Variants in EPB41L5 observed in about 807,000 individuals in gnomAD.
The protein encoded by EPB41L5 is erythrocyte membrane protein band 4.1 like 5.
A neutral mutation model predicts 106.6 loss-of-function variants in EPB41L5; 55 were observed. The observed-to-expected ratio is 0.52, with a 90% CI of 0.42 to 0.65. The LOEUF is 0.65. Ranked by LOEUF, EPB41L5 falls within the 30% of genes least tolerant of loss-of-function variation. The pLI is 0.00. For synonymous variants in EPB41L5, 297 were observed against 306.7 expected (o/e 0.97, Z 0.33); for missense variants, 871 against 882.1 (o/e 0.99, Z 0.16).
chr2:120,046,162 G>C (rs1165454279), intron 3 of EPB41L5, among the ~76,000 whole-genome samples: 1 of 152,194 alleles, frequency 6.6e-6, no homozygotes, highest in Non-Finnish European at 1.5e-5. Flanking sequence ...AATCCTTTGA[G>C]TATATACCCA....
At chr2:120,130,345 G>A (rs902229552) in intron 17 of EPB41L5, among the ~76,000 whole-genome samples, 3 of 152,116 alleles carry the variant, frequency 2.0e-5, no homozygotes, top group South Asian at 2.1e-4. Flanking sequence ...ACATTTTTAT[G>A]TTAAGAGTTT....
At chr2:120,096,532 G>A (rs1401188007) in intron 14 of EPB41L5, among the ~76,000 whole-genome samples, 1 of 152,182 alleles carries the variant, frequency 6.6e-6, no homozygotes, top group African/African-American at 2.4e-5. Context: ...GCTCATGCCT[G>A]TAATCCTAAC....
At chr2:120,065,038 A>G (rs1681348803) in intron 3 of EPB41L5, among the ~76,000 whole-genome samples, 1 of 152,194 alleles carries the variant, frequency 6.6e-6, no homozygotes, top group Non-Finnish European at 1.5e-5. Context: ...AAACTATTAT[A>G]TATAAGTAGA....
intron 17 of EPB41L5, among the ~76,000 whole-genome samples, chr2:120,129,612 T>C (rs1685609537): frequency 6.6e-6 from 1 of 152,204 alleles, no homozygotes; most frequent in Non-Finnish European, 1.5e-5. Context: ...GTATCACTTA[T>C]TGAATACATA....
intron 11 of EPB41L5, among the ~76,000 whole-genome samples, chr2:120,089,302 A>G (rs926265961): frequency 6.6e-6 from 1 of 152,116 alleles, no homozygotes; most frequent in Non-Finnish European, 1.5e-5. Flanking sequence ...TGAATAAATA[A>G]TACCAACTAA....
At chr2:120,023,101 A>G (rs1678053789) in intron 2 of EPB41L5, among the ~76,000 whole-genome samples, 1 of 152,134 alleles carries the variant, frequency 6.6e-6, no homozygotes, top group Non-Finnish European at 1.5e-5. Context: ...AGATAGATAG[A>G]TTGCAAAAAC....
At chr2:120,127,587 T>C (rs566180758) in intron 16 of EPB41L5, 101 bp from the exon 17 acceptor site, 215 of 906,912 alleles carry the variant, frequency 2.4e-4, no homozygotes, top group Non-Finnish European at 3.4e-4. Context: ...GTTGCTTGAA[T>C]TCACAGATGT....
chr2:120,076,476 T>TG (rs2105327060), intron 7 of EPB41L5, among the ~76,000 whole-genome samples: 1 of 140,900 alleles, frequency 7.1e-6, no homozygotes, highest in East Asian at 2.0e-4. Context: ...TGTACTTTTT[T>TG]TTTTTTTTTT....
At chr2:120,062,411 A>C (rs984011328) in intron 3 of EPB41L5, among the ~76,000 whole-genome samples, 1 of 152,232 alleles carries the variant, frequency 6.6e-6, no homozygotes, top group Non-Finnish European at 1.5e-5. Flanking sequence ...ATGATTGTTT[A>C]TAATTTATGG....
intron 4 of EPB41L5, 94 bp from the exon 5 acceptor site, chr2:120,074,006 T>C (rs1682058326): frequency 2.2e-6 from 2 of 895,176 alleles, no homozygotes; most frequent in East Asian, 2.7e-5. Flanking sequence ...TCATCTTTTG[T>C]CTCACTTCAG....
intron 22 of EPB41L5, among the ~76,000 whole-genome samples, chr2:120,166,674 G>A (rs768848274): frequency 5.9e-5 from 9 of 152,240 alleles, no homozygotes; most frequent in Non-Finnish European, 1.2e-4. Flanking sequence ...TTGACCTCAT[G>A]ATCTGCCCAC....
At position 120,019,169 on chromosome 2, in the gene EPB41L5, G is replaced by A. The variant is rs375523508; in HGVS notation, c.85G>A (p.Ala29Thr). Reference protein sequence around the residue: ...EKERLREAQRAATHIPAAGDS... With the variant: ...EKERLREAQRTATHIPAAGDS... ...GGAACGACTCCGAGAAGCACAACGC[G>A]CCGCCACACATATTCCTGCAGCTGG... Residue 29 changes from alanine (A) to threonine (T), a missense_variant, in exon 2 of 25, where the codon GCC (alanine) becomes ACC (threonine). Coordinates refer to ENST00000263713, the MANE Select transcript of EPB41L5 (RefSeq NM_020909.4). 62 of 1,613,696 alleles carry A rather than the reference G, an allele frequency of 3.8e-5. No homozygotes were observed. In the Admixed American group the frequency reaches 4.8e-4, roughly 13 times the overall value.
rs1009159262 is a variant in EPB41L5, at chr2:120,083,644, A to G, written c.804-3527A>G. On this transcript the variant is annotated intron_variant, in intron 10 of 24. Transcript: ENST00000263713. ...TCCGCTTGATGCAGAGCTGAGTTCA[A>G]TTCCTGGATATCCTTGTTAACTTTC... Among the ~76,000 whole-genome samples the G allele has an allele frequency of 7.2e-5, 11 of 152,106 alleles. No individual in the cohort carries two copies. In the South Asian group the frequency reaches 1.0e-3, roughly 14 times the overall value.
At chr2:120,110,256 T>C (rs1684658827) in intron 16 of EPB41L5, among the ~76,000 whole-genome samples, 1 of 152,208 alleles carries the variant, frequency 6.6e-6, no homozygotes, top group Non-Finnish European at 1.5e-5. Flanking sequence ...TATTGTCTTC[T>C]AACCTCCCTT....
chr2:120,120,886 C>T (rs1294817246), intron 16 of EPB41L5, among the ~76,000 whole-genome samples: 1 of 152,192 alleles, frequency 6.6e-6, no homozygotes, highest in Admixed American at 6.5e-5. Context: ...GAGGCCGAGG[C>T]GGGCAGCTCA....
chr2:120,122,063 T>A (rs1014768967), intron 16 of EPB41L5, among the ~76,000 whole-genome samples: 6 of 152,252 alleles, frequency 3.9e-5, no homozygotes, highest in Non-Finnish European at 1.5e-5. Flanking sequence ...TCTTTGTAGA[T>A]TCTGGATATT....
At chr2:120,018,768 C>T (rs1377870242) in intron 1 of EPB41L5, among the ~76,000 whole-genome samples, 1 of 152,004 alleles carries the variant, frequency 6.6e-6, no homozygotes, top group African/African-American at 2.4e-5. Flanking sequence ...TGCCTCACAG[C>T]CCCTCAAGTA....
rs999642155 is a variant in EPB41L5, at chr2:120,144,185, G to A, written c.1728+1054G>A. Among the ~76,000 whole-genome samples, 8 of 152,114 alleles carry A rather than the reference G, an allele frequency of 5.3e-5. No individual in the cohort carries two copies. In the South Asian group the frequency reaches 1.7e-3, roughly 32 times the overall value. ...CATGGTATTAACAGATGGGGCCTTT[G>A]GTAGAGCCCCCAAGAGTAGGATTAG... On this transcript the variant is annotated intron_variant, in intron 19 of 24. Transcript: ENST00000263713.
chr2:120,124,543 C>T (rs1429155384), intron 16 of EPB41L5, among the ~76,000 whole-genome samples: 2 of 152,106 alleles, frequency 1.3e-5, no homozygotes, highest in Non-Finnish European at 2.9e-5. Context: ...TTACTTCATT[C>T]CTATGTACTT....
Sources: gnomAD v4.1 joint callset for allele counts (sites outside exome capture counted in the v4.1 genomes callset) on GRCh38, gnomAD v4.1.1 for gene constraint, MANE v1.5 for transcripts, NCBI Gene and HGNC (gene_info 2026-07-23, HGNC 2026-07-21) for gene names.